Variants in WDR86 observed in about 807,000 individuals in gnomAD.
WDR86 encodes the protein WD repeat domain 86, also known as WD repeat-containing protein 86.
Under a neutral mutation model 36.5 loss-of-function variants are expected in WDR86, and 30 were observed. That is an observed-to-expected ratio of 0.82 (90% CI 0.61 to 1.11). The LOEUF (loss-of-function observed/expected upper bound fraction) is 1.11, where lower values mean the gene tolerates loss of function less well. Ranked by LOEUF, WDR86 falls within the 50% of genes most tolerant of loss-of-function variation. WDR86 has a pLI of 0.00. For missense variants in WDR86, 545 were observed against 561.2 expected, an observed-to-expected ratio of 0.97 and a Z score of 0.29; for synonymous variants, 255 against 252.9, an observed-to-expected ratio of 1.01 and a Z score of -0.08.
intron 1 of WDR86, among the ~76,000 whole-genome samples, chr7:151,400,904 C>T (rs925098469): frequency 3.9e-5 from 6 of 152,314 alleles, no homozygotes; most frequent in African/African-American, 1.4e-4. Flanking sequence ...GTAGAGAGCA[C>T]GTGCACTTTG....
chr7:151,383,867 C>T (rs1798788018), intron 4 of WDR86, among the ~76,000 whole-genome samples: 1 of 152,256 alleles, frequency 6.6e-6, no homozygotes, highest in African/African-American at 2.4e-5. Flanking sequence ...GCAGGCTTCG[C>T]TTTCCCTGCG....
At chr7:151,372,315 T>C (rs912188271), downstream of WDR86, among the ~76,000 whole-genome samples, 2 of 152,256 alleles carry the variant, frequency 1.3e-5, no homozygotes, top group African/African-American at 4.8e-5. Flanking sequence ...CAGAAAATAA[T>C]GTTCTCACAT....
chr7:151,374,354 G>A (rs539015076), downstream of WDR86: 1,143 of 1,349,188 alleles, frequency 8.5e-4, 13 homozygotes, highest in South Asian at 5.5e-3. Context: ...GGGCTGCCCC[G>A]TCATCCGGAT....
chr7:151,381,623 T>G lies in WDR86; in HGVS notation c.1090A>C (p.Asn364His). The change falls in exon 6 of 6, where the codon AAC becomes CAC. Residue 364 changes from asparagine to histidine, a missense_variant. Coordinates refer to ENST00000334493, the MANE Select transcript of WDR86 (RefSeq NM_198285.3). This position sits in a 1 kb window ranked among gnomAD's most constrained non-coding sequence, Gnocchi z 4.8. ...PMRSLSRLFS[N>H]KVGCAAAPLQ... Reference sequence around the variant, plus strand: ...GGCGCGGCGGCGCAGCCCACCTTGTTGCTGAAGAGCCGCGAGAGGCTGCGC... The same window carrying G: ...GGCGCGGCGGCGCAGCCCACCTTGTGGCTGAAGAGCCGCGAGAGGCTGCGC... 1 of 1,380,994 alleles carries G rather than the reference T, an allele frequency of 7.2e-7. No homozygotes were observed. The highest frequency in any genetic ancestry group is 9.3e-7 in the Non-Finnish European group (1 of 1,078,616). The allele number at this position is 1,380,994 out of a possible 1,614,324, so 85.5% of individuals were successfully genotyped here.
Position 151,396,196 on chromosome 7 carries a change from C to T in WDR86, c.306G>A (p.Arg102=). The T allele has an allele frequency of 3.7e-6, 6 of 1,612,824 alleles. No individual in the cohort carries two copies. The highest frequency in any genetic ancestry group is 5.1e-6 in the Non-Finnish European group (6 of 1,179,848). The part of the protein sequence containing the change: ...VYRGHTSIVN[R]ILVANNQLFS... ...AGAGCTGGTTGTTGGCAACCAGGAT[C>T]CTGGGGGCAAGAGGGAAGGGGTCAG... Residue 102 remains arginine (R), a splice_region_variant and synonymous_variant, in exon 3 of 6, where the codon AGG becomes AGA. Transcript: ENST00000334493.
Position 151,409,303 on chromosome 7 carries a change from A to C in WDR86, c.163+124T>G, listed in dbSNP as rs1321184415. 2 of 1,415,532 alleles carry C rather than the reference A, an allele frequency of 1.4e-6. No homozygotes were observed. Among genetic ancestry groups the C allele is most frequent in the South Asian group, 1.3e-5 (1 of 76,902 alleles). 87.7% of individuals were successfully genotyped at this position (1,415,532 alleles called of 1,614,324 possible). A position where few individuals can be genotyped will look rare whatever the true frequency, so the allele number is the denominator to read the frequency against. On this transcript the variant is annotated intron_variant, in intron 1 of 5. Transcript: ENST00000334493. The surrounding 1 kb of genome is among the most constrained non-coding windows in gnomAD (Gnocchi z 5.2). ...GGGCCCAGACAAGCGCTCTTCCGCT[A>C]GTGTGCCGGGATGAGCGGGGGCTGG...
rs1468170712 is a variant in WDR86 at position 151,388,100 on chromosome 7, G to T, written c.727-2877C>A. On this transcript the variant is annotated intron_variant, in intron 3 of 5. Coordinates refer to ENST00000334493, the MANE Select transcript of WDR86 (RefSeq NM_198285.3). The surrounding 1 kb of genome is among the most constrained non-coding windows in gnomAD (Gnocchi z 4.2). Reference sequence around the variant, plus strand: ...AGGGTTGGGTGAGACTCATGAACTGGTACGACAGGGCTTTTGCAGCCAGAG... The same window carrying T: ...AGGGTTGGGTGAGACTCATGAACTGTTACGACAGGGCTTTTGCAGCCAGAG... 6.6e-6 allele frequency among the ~76,000 whole-genome samples: 1 copy of T among 152,216 alleles called. No individual in the cohort carries two copies. Among genetic ancestry groups the T allele is most frequent in the Non-Finnish European group, 1.5e-5 (1 of 68,048 alleles).
intron 3 of WDR86, among the ~76,000 whole-genome samples, chr7:151,392,265 A>T (rs1478631063): frequency 6.9e-6 from 1 of 144,634 alleles, no homozygotes; most frequent in African/African-American, 2.6e-5. Context: ...ACATGCCCCC[A>T]TCCAGCTGGC....
At chr7:151,395,188 C>T (rs1052201479) in intron 3 of WDR86, among the ~76,000 whole-genome samples, 1 of 152,192 alleles carries the variant, frequency 6.6e-6, no homozygotes, top group Admixed American at 6.5e-5. Context: ...GAGGACGGAG[C>T]CCAGGAGGCT....
At chr7:151,375,311 G>A (rs1026125156), downstream of WDR86, among the ~76,000 whole-genome samples, 1 of 152,140 alleles carries the variant, frequency 6.6e-6, no homozygotes. Context: ...TATTCGAAGG[G>A]ACTGATGGGT....
chr7:151,386,760 C>T (rs983212193), intron 3 of WDR86, among the ~76,000 whole-genome samples: 1 of 152,168 alleles, frequency 6.6e-6, no homozygotes, highest in African/African-American at 2.4e-5. Flanking sequence ...AAAGACCACC[C>T]CTCCTGCCTC....
chr7:151,390,523 A>G lies in WDR86; in HGVS notation c.726+5253T>C, dbSNP rs1485834424. On this transcript the variant is annotated intron_variant, in intron 3 of 5. Transcript: ENST00000334493. This position sits in a 1 kb window ranked among gnomAD's most constrained non-coding sequence, Gnocchi z 4.5. Reference sequence around the variant, plus strand: ...CTTTGGCAGTTCCTCAAAAAGCTGAACAGAGAATTACCAAGTCATCCGCAG... The same window carrying G: ...CTTTGGCAGTTCCTCAAAAAGCTGAGCAGAGAATTACCAAGTCATCCGCAG... 6.6e-6 allele frequency among the ~76,000 whole-genome samples: 1 copy of G among 152,214 alleles called. No homozygotes were observed. Among genetic ancestry groups the G allele is most frequent in the Non-Finnish European group, 1.5e-5 (1 of 68,036 alleles).
At position 151,401,095 on chromosome 7, in the gene WDR86, C is replaced by T. The variant is rs1800254584; in HGVS notation, c.164-854G>A. Among the ~76,000 whole-genome samples the T allele has an allele frequency of 6.6e-6, 1 of 152,220 alleles. No individual in the cohort carries two copies. The highest frequency in any genetic ancestry group is 6.5e-5 in the Admixed American group (1 of 15,288). ...CCTTGCCCACCTGCTCATGAATAAT[C>T]AGGTAAGACTCCTAAAAAGGGATCC... is the stretch of plus-strand genomic sequence containing the variant. On this transcript the variant is annotated intron_variant, in intron 1 of 5. Transcript: ENST00000334493. This position sits in a 1 kb window ranked among gnomAD's most constrained non-coding sequence, Gnocchi z 4.3.
chr7:151,396,550 A>C (rs970672243), intron 2 of WDR86, among the ~76,000 whole-genome samples: 1 of 152,102 alleles, frequency 6.6e-6, no homozygotes, highest in Non-Finnish European at 1.5e-5. Context: ...GTGGGGGGGA[A>C]GGTAGGGGAG....
Position 151,409,520 on chromosome 7 carries a change from T to C in WDR86, c.70A>G (p.Ser24Gly). Residue 24 changes from serine (S) to glycine (G), a missense_variant, in exon 1 of 6, where the codon AGC (serine) becomes GGC (glycine). Coordinates refer to ENST00000334493, the MANE Select transcript of WDR86 (RefSeq NM_198285.3). This position sits in a 1 kb window ranked among gnomAD's most constrained non-coding sequence, Gnocchi z 5.2. ...HRGGINWLSL[S>G]PDGQRLLTGS... is the part of the protein sequence containing the mutation. ...GTCAGCAGGCGCTGCCCGTCGGGGC[T>C]CAGGCTCAGCCAGTTGATGCCCCCG... The C allele has an allele frequency of 6.5e-7, 1 of 1,530,832 alleles. No individual in the cohort carries two copies. Among genetic ancestry groups the C allele is most frequent in the Non-Finnish European group, 8.7e-7 (1 of 1,144,684 alleles). The allele number at this position is 1,530,832 out of a possible 1,614,324, so 94.8% of individuals were successfully genotyped here.
Position 151,396,175 on chromosome 7 carries a change from C to G in WDR86, c.327G>C (p.Gln109His). The G allele has an allele frequency of 6.2e-7, 1 of 1,612,934 alleles. No individual in the cohort carries two copies. The highest frequency in any genetic ancestry group is 8.5e-7 in the Non-Finnish European group (1 of 1,179,872). Reference sequence around the variant, plus strand: ...TCCGGTCATAGGAGCTGCTGAAGAGCTGGTTGTTGGCAACCAGGATCCTGG... The same window carrying G: ...TCCGGTCATAGGAGCTGCTGAAGAGGTGGTTGTTGGCAACCAGGATCCTGG... ...IVNRILVANN[Q>H]LFSSSYDRTA... The change falls in exon 3 of 6, where the codon CAG (glutamine) becomes CAC (histidine). Residue 109 changes from glutamine to histidine, a missense_variant. Gln to His is a conservative substitution (Grantham distance 24). Coordinates refer to ENST00000334493, the MANE Select transcript of WDR86 (RefSeq NM_198285.3).
downstream of WDR86, among the ~76,000 whole-genome samples, chr7:151,371,634 C>T (rs1410969274): frequency 1.3e-5 from 2 of 152,186 alleles, no homozygotes; most frequent in African/African-American, 2.4e-5. Context: ...AACAATGTCC[C>T]ACAGAAAGTG....
chr7:151,399,579 T>G (rs1432339169), intron 2 of WDR86, among the ~76,000 whole-genome samples: 1 of 152,224 alleles, frequency 6.6e-6, no homozygotes, highest in African/African-American at 2.4e-5. Context: ...ATTGCTCAGC[T>G]CAGACCCAAA....
chr7:151,376,056 TC>T, exon 2 of WDR86: 1 of 738,348 alleles, frequency 1.4e-6, no homozygotes, highest in African/African-American at 1.7e-5. Context: ...AAACCTTGGC[TC>T]CCAGGCTCCA....
Sources: allele counts gnomAD v4.1 joint callset (sites outside exome capture counted in the v4.1 genomes callset), GRCh38; gene constraint gnomAD v4.1.1; non-coding constraint Gnocchi (gnomAD v3.1); transcripts MANE v1.5; gene names NCBI Gene and HGNC (gene_info 2026-07-23, HGNC 2026-07-21).